Variants in ZNF716 observed in about 807,000 individuals in gnomAD.
ZNF716 encodes the protein zinc finger protein 716.
In ZNF716, 9 loss-of-function variants were observed where a neutral mutation model predicts 13.4. The ratio of observed to expected loss-of-function variants is 0.67; its 90% confidence interval spans 0.41 to 1.18. The LOEUF is 1.18. ZNF716 is among the 50% of genes most tolerant of loss of function. The pLI is 0.01. For missense variants in ZNF716, 581 were observed against 576.6 expected (o/e 1.01, Z -0.08); for synonymous variants, 186 against 195.2 (o/e 0.95, Z 0.39).
intron 1 of ZNF716, among the ~76,000 whole-genome samples, chr7:57,451,636 T>C (rs1472147462): frequency 6.6e-6 from 1 of 151,398 alleles, no homozygotes; most frequent in Non-Finnish European, 1.5e-5. Context: ...TTAGTAGAGA[T>C]AGAGTGTTGC....
chr7:57,460,756 G>A (rs1789694544), intron 1 of ZNF716, among the ~76,000 whole-genome samples: 1 of 152,072 alleles, frequency 6.6e-6, no homozygotes, highest in South Asian at 2.1e-4. Flanking sequence ...AGTGAAACAT[G>A]TCATGTTGAG....
intron 3 of ZNF716, among the ~76,000 whole-genome samples, chr7:57,468,201 C>G (rs1253964115): frequency 1.3e-5 from 2 of 152,114 alleles, no homozygotes; most frequent in African/African-American, 4.8e-5. Context: ...ACTTTCTACA[C>G]CTGTTTTCTG....
Position 57,469,526 on chromosome 7 carries a change from A to G in ZNF716, c.1065A>G (p.Glu355=), listed in dbSNP as rs1554324826. ...VHTGEKLYTC[E]ECGKAFTFSS... ...CTGGGGAGAAACTCTACACATGTGA[A>G]GAATGTGGGAAAGCCTTTACCTTCT... The change falls in exon 4 of 4, where the codon GAA becomes GAG. Residue 355 remains glutamate (E), a synonymous_variant. Transcript: ENST00000420713. The G allele has an allele frequency of 3.1e-6, 5 of 1,610,896 alleles. No homozygotes were observed. Among genetic ancestry groups the G allele is most frequent in the Non-Finnish European group, 4.2e-6 (5 of 1,178,336 alleles).
At chr7:57,450,364 G>T (rs1789464502) in intron 1 of ZNF716, 37 bp downstream of exon 1, 1 of 1,613,716 alleles carries the variant, frequency 6.2e-7, no homozygotes, top group African/African-American at 1.3e-5. Context: ...AGAGGGGTGG[G>T]GGCTGGTTGG....
intron 2 of ZNF716, among the ~76,000 whole-genome samples, chr7:57,462,861 C>T (rs1789733497): frequency 1.3e-5 from 2 of 152,058 alleles, no homozygotes; most frequent in African/African-American, 4.8e-5. Context: ...GAATTCAGTT[C>T]CTACCACCAA....
chr7:57,467,312 G>A (rs1789834152), intron 3 of ZNF716, among the ~76,000 whole-genome samples: 1 of 151,208 alleles, frequency 6.6e-6, no homozygotes, highest in African/African-American at 2.4e-5. Flanking sequence ...ATTTTTTGTA[G>A]ATGCATATGT....
In ZNF716 at chr7:57,454,455, A is replaced by G. The variant is rs189246056; in HGVS notation, c.39+4128A>G. On this transcript the variant is annotated intron_variant, in intron 1 of 3. Coordinates refer to ENST00000420713, the MANE Select transcript of ZNF716 (RefSeq NM_001159279.1). ...GCCCTGTGACTCCAAGCTATGAGCA[A>G]TATGGAGCCTGCAAAAGGAGATTAT... 3.9e-5 allele frequency among the ~76,000 whole-genome samples: 6 copies of G among 152,324 alleles called. No homozygotes were observed. In the East Asian group the frequency reaches 1.2e-3, roughly 29 times the overall value.
intron 1 of ZNF716, among the ~76,000 whole-genome samples, chr7:57,460,796 G>A (rs782698073): frequency 6.6e-6 from 1 of 152,066 alleles, no homozygotes; most frequent in Non-Finnish European, 1.5e-5. Context: ...TTAGTTCCAT[G>A]CAGAACAGGT....
chr7:57,470,331 G>A lies in ZNF716; in HGVS notation c.*382G>A, dbSNP rs149486775. The A allele has an allele frequency of 6.5e-3, 1,074 of 164,588 alleles. 19 individuals are homozygous for A. Among genetic ancestry groups the A allele is most frequent in the African/African-American group, 0.024 (1,003 of 41,550 alleles). 10.2% of individuals were successfully genotyped at this position (164,588 alleles called of 1,614,324 possible). On this transcript the variant is annotated 3_prime_UTR_variant, in exon 4 of 4. Transcript: ENST00000420713. ...AGGCACGTGCAACCACACTGGCTGA[G>A]TTTTGTATTTTTAGTAGAGATGGGG...
In ZNF716 at chr7:57,469,562, A is replaced by G. The variant is rs782763222; in HGVS notation, c.1101A>G (p.Leu367=). ...CGKAFTFSST[L]NTHKRIHTGE... is the part of the protein sequence containing the mutation. ...AAGCCTTTACCTTCTCCTCAACTCT[A>G]AATACTCATAAGAGGATTCATACTG... The change falls in exon 4 of 4, where the codon CTA becomes CTG. Residue 367 remains leucine, a synonymous_variant. Coordinates refer to ENST00000420713, the MANE Select transcript of ZNF716 (RefSeq NM_001159279.1). 5.6e-6 allele frequency: 9 copies of G among 1,606,442 alleles called. No individual in the cohort carries two copies. The highest frequency in any genetic ancestry group is 7.6e-6 in the Non-Finnish European group (9 of 1,177,376).
chr7:57,460,006 A>G (rs1432223796), intron 1 of ZNF716, among the ~76,000 whole-genome samples: 2 of 152,020 alleles, frequency 1.3e-5, no homozygotes, highest in African/African-American at 4.8e-5. Flanking sequence ...GATATGTTCC[A>G]GAGCATCTCA....
At chr7:57,458,372 T>C (rs762851006) in intron 1 of ZNF716, among the ~76,000 whole-genome samples, 2 of 152,214 alleles carry the variant, frequency 1.3e-5, no homozygotes, top group East Asian at 1.9e-4. Flanking sequence ...TGTAGTGTTT[T>C]ATCTTTCACC....
Position 57,469,792 on chromosome 7 carries a change from C to T in ZNF716, c.1331C>T (p.Ala444Val), listed in dbSNP as rs782421238. The T allele has an allele frequency of 9.3e-6, 15 of 1,606,298 alleles. No individual in the cohort carries two copies. In the South Asian group the frequency reaches 1.7e-4, roughly 18 times the overall value. Residue 444 changes from alanine to valine, a missense_variant, in exon 4 of 4, where the codon GCC becomes GTC. By Grantham distance (64) the Ala-to-Val change is moderately conservative (BLOSUM62 0). Transcript: ENST00000420713. ...TACAAATGTAAAGAATGTGGGAAAG[C>T]CTTTACCTTCTCCTCAACTCTAAAT... is the stretch of plus-strand genomic sequence containing the variant. ...KLYKCKECGK[A>V]FTFSSTLNTH... is the part of the protein sequence containing the mutation.
chr7:57,457,862 A>T (rs1554322338), intron 1 of ZNF716, among the ~76,000 whole-genome samples: 3 of 152,044 alleles, frequency 2.0e-5, no homozygotes, highest in Non-Finnish European at 1.5e-5. Context: ...CTTTGTCCAC[A>T]TGTTCTCATT....
chr7:57,468,842 A>G lies in ZNF716; in HGVS notation c.381A>G (p.Lys127=). The G allele has an allele frequency of 6.2e-7, 1 of 1,613,798 alleles. No homozygotes were observed. The change falls in exon 4 of 4, where the codon AAA becomes AAG. Residue 127 remains lysine (K), a synonymous_variant. Coordinates refer to ENST00000420713, the MANE Select transcript of ZNF716 (RefSeq NM_001159279.1). ...KCGQEDLQVK[K]CCKSVGECEV... Reference sequence around the variant, plus strand: ...GACAGGAGGATTTACAAGTAAAAAAATGCTGTAAAAGTGTAGGTGAGTGTG... The same window carrying G: ...GACAGGAGGATTTACAAGTAAAAAAGTGCTGTAAAAGTGTAGGTGAGTGTG...
At position 57,473,528 on chromosome 7, in the gene ZNF716, A is replaced by C. The variant is rs1583727638; in HGVS notation, c.*3579A>C. On this transcript the variant is annotated 3_prime_UTR_variant, in exon 4 of 4. Coordinates refer to ENST00000420713, the MANE Select transcript of ZNF716 (RefSeq NM_001159279.1). ...GAGCGAGAAACCATCTCAAAAAAAA[A>C]AATAAATAAATAAAAGATATACCTT... 7.0e-6 allele frequency: 1 copy of C among 142,824 alleles called. No individual in the cohort carries two copies. The highest frequency in any genetic ancestry group is 2.6e-5 in the African/African-American group (1 of 38,868). 8.8% of individuals were successfully genotyped at this position (142,824 alleles called of 1,614,324 possible). A position where few individuals can be genotyped will look rare whatever the true frequency, so the allele number is the denominator to read the frequency against.
chr7:57,462,302 A>G lies in ZNF716; in HGVS notation c.40-158A>G. ...AGAGAATACTTCCATGTTAAACATT[A>G]TCTTAATGAATAATTTTAGTCACTC... On this transcript the variant is annotated intron_variant, in intron 1 of 3. Coordinates refer to ENST00000420713, the MANE Select transcript of ZNF716 (RefSeq NM_001159279.1). The G allele has an allele frequency of 5.1e-6, 4 of 778,998 alleles. No homozygotes were observed. In the East Asian group the frequency reaches 1.1e-4, roughly 21 times the overall value. 48.3% of individuals were successfully genotyped at this position (778,998 alleles called of 1,614,324 possible). A position where few individuals can be genotyped will look rare whatever the true frequency, so the allele number is the denominator to read the frequency against.
rs1355906704 is a variant in ZNF716, at chr7:57,471,381, C to T, written c.*1432C>T. On this transcript the variant is annotated 3_prime_UTR_variant, in exon 4 of 4. Coordinates refer to ENST00000420713, the MANE Select transcript of ZNF716 (RefSeq NM_001159279.1). Reference sequence around the variant, plus strand: ...AGTGAGTCAAGATCACCCCACCATACTCCAGCCTGGGTGACAGAGCAAGAA... The same window carrying T: ...AGTGAGTCAAGATCACCCCACCATATTCCAGCCTGGGTGACAGAGCAAGAA... 1 of 150,508 alleles carries T rather than the reference C, an allele frequency of 6.6e-6. No individual in the cohort carries two copies. Among genetic ancestry groups the T allele is most frequent in the Non-Finnish European group, 1.5e-5 (1 of 67,906 alleles). The allele number at this position is 150,508 out of a possible 1,614,324, so 9.3% of individuals were successfully genotyped here.
chr7:57,463,345 ATT>A (rs1215870759), intron 3 of ZNF716, among the ~76,000 whole-genome samples, 177 bp downstream of exon 3: 1 of 152,182 alleles, frequency 6.6e-6, no homozygotes, highest in Non-Finnish European at 1.5e-5. Flanking sequence ...ATGCTTTTAA[ATT>A]CTCTAAGGAT....
Sources: gnomAD v4.1 joint callset for allele counts (sites outside exome capture counted in the v4.1 genomes callset) on GRCh38, gnomAD v4.1.1 for gene constraint, MANE v1.5 for transcripts, NCBI Gene and HGNC (gene_info 2026-07-23, HGNC 2026-07-21) for gene names.